The following ZFP90 variants were observed in gnomAD, a reference collection of about 807,000 sequenced individuals.
ZFP90 encodes the protein zinc finger protein 90 homolog.
A neutral mutation model predicts 60.8 loss-of-function variants in ZFP90; 38 were observed. The observed-to-expected ratio is 0.62, with a 90% CI of 0.48 to 0.82. The LOEUF (loss-of-function observed/expected upper bound fraction) is 0.82. Among genes scored for constraint, ZFP90 ranks in the 40% least tolerant of loss-of-function variants. The pLI is 0.00. For missense variants in ZFP90, 711 were observed against 759.1 expected (o/e 0.94, Z 0.74); for synonymous variants, 287 against 264.8 (o/e 1.08, Z -0.82).
At chr16:68,556,456 T>C (rs888734118) in intron 2 of ZFP90, among the ~76,000 whole-genome samples, 1 of 152,258 alleles carries the variant, frequency 6.6e-6, no homozygotes, top group Admixed American at 6.5e-5. Flanking sequence ...CAAAGAATAT[T>C]TATTACAGTA....
chr16:68,559,874 AT>A (rs2091409871), intron 4 of ZFP90, among the ~76,000 whole-genome samples: 1 of 151,298 alleles, frequency 6.6e-6, no homozygotes. Flanking sequence ...CACCAGCCTA[AT>A]TTTTTTATTT....
intron 2 of ZFP90, chr16:68,557,440 C>G: frequency 2.9e-6 from 1 of 350,542 alleles, no homozygotes; most frequent in South Asian, 2.1e-5. Context: ...ATGCAAAGAT[C>G]TCTAGGATAC....
chr16:68,573,102 G>A (rs1028901243), intron 2 of ZFP90, among the ~76,000 whole-genome samples: 4 of 152,216 alleles, frequency 2.6e-5, no homozygotes, highest in Non-Finnish European at 4.4e-5. Flanking sequence ...CAGATGGGAA[G>A]CTCAGATTGT....
At chr16:68,556,724 AGT>A (rs1337528943) in intron 2 of ZFP90, among the ~76,000 whole-genome samples, 1 of 152,164 alleles carries the variant, frequency 6.6e-6, no homozygotes, top group Non-Finnish European at 1.5e-5. Context: ...TCTGTTCTTG[AGT>A]TCAGGTGAAA....
rs1380549082 is a variant in ZFP90, at chr16:68,546,480, C to G, written c.33+6655C>G. On this transcript the variant is annotated intron_variant, in intron 2 of 4. Coordinates refer to ENST00000563169, the MANE Select transcript of ZFP90 (RefSeq NM_001305203.2). ...TTCTATCTCTATGATTTTAACTACTCTATCTCATATAAGTGGAATCAAACA... is the reference window on the plus strand; with the variant it reads ...TTCTATCTCTATGATTTTAACTACTGTATCTCATATAAGTGGAATCAAACA... 2.0e-5 allele frequency among the ~76,000 whole-genome samples: 3 copies of G among 152,112 alleles called. No individual in the cohort carries two copies. In the East Asian group the frequency reaches 5.8e-4, roughly 29 times the overall value.
intron 2 of ZFP90, among the ~76,000 whole-genome samples, chr16:68,548,393 T>C (rs1218097279): frequency 6.6e-6 from 1 of 152,084 alleles, no homozygotes; most frequent in African/African-American, 2.4e-5. Context: ...ATTGGTAGTT[T>C]AGAATTTAAA....
In ZFP90 at chr16:68,563,604, C is replaced by T; in HGVS notation, c.817C>T (p.Gln273Ter). ...CTGGAAGACACAGCTTACTGAGCAT[C>T]AGAGAATTCACACTGGGGAGAAACC... The part of the protein sequence containing the change: ...FLWKTQLTEH[Q>*]RIHTGEKPFE... Residue 273 changes from glutamine (Q) to a stop codon, truncating the protein, a stop_gained, in exon 5 of 5, where the codon CAG becomes TAG. Transcript: ENST00000563169. LOFTEE classifies it high-confidence loss of function. The T allele has an allele frequency of 6.2e-7, 1 of 1,614,166 alleles. No individual in the cohort carries two copies. The highest frequency in any genetic ancestry group is 8.5e-7 in the Non-Finnish European group (1 of 1,180,030).
chr16:68,538,178 C>T (rs1388586479), upstream of ZFP90, among the ~76,000 whole-genome samples: 1 of 152,064 alleles, frequency 6.6e-6, no homozygotes, highest in Admixed American at 6.5e-5. Flanking sequence ...TCCCAAAGTG[C>T]TGGGATCACA....
chr16:68,542,508 T>G (rs1164568187), intron 2 of ZFP90, among the ~76,000 whole-genome samples: 2 of 152,028 alleles, frequency 1.3e-5, no homozygotes, highest in South Asian at 2.1e-4. Context: ...GGAGAATCGC[T>G]TGAACCTGGG....
upstream of ZFP90, among the ~76,000 whole-genome samples, chr16:68,536,276 A>C (rs1386244034): frequency 6.6e-6 from 1 of 152,096 alleles, no homozygotes; most frequent in East Asian, 1.9e-4. Context: ...TGCCTTCCGC[A>C]CTAGGTGGAA....
At chr16:68,548,822 A>C (rs2091202869) in intron 2 of ZFP90, among the ~76,000 whole-genome samples, 1 of 152,038 alleles carries the variant, frequency 6.6e-6, no homozygotes, top group Non-Finnish European at 1.5e-5. Context: ...ATCTTTTAAA[A>C]ATTTCTTCTT....
chr16:68,557,919 C>T (rs1166150674), intron 2 of ZFP90, 79 bp from the exon 3 acceptor site: 1 of 1,582,696 alleles, frequency 6.3e-7, no homozygotes, highest in Non-Finnish European at 8.6e-7. Flanking sequence ...CTTCTGATAG[C>T]TCCTGCAGTA....
chr16:68,554,608 G>A (rs1316591790), intron 2 of ZFP90, among the ~76,000 whole-genome samples: 1 of 152,164 alleles, frequency 6.6e-6, no homozygotes, highest in Admixed American at 6.5e-5. Context: ...TTGCTTGCTG[G>A]TTAGCACATT....
chr16:68,541,346 GT>G (rs1391648640), intron 2 of ZFP90, among the ~76,000 whole-genome samples: 1 of 150,076 alleles, frequency 6.7e-6, no homozygotes, highest in African/African-American at 2.5e-5. Flanking sequence ...CCTAATTTTT[GT>G]TTTTTTTTGT....
chr16:68,572,826 G>A (rs1310188653), intron 2 of ZFP90, among the ~76,000 whole-genome samples: 2 of 152,212 alleles, frequency 1.3e-5, no homozygotes, highest in African/African-American at 4.8e-5. Flanking sequence ...GGTGGAAGGT[G>A]GTAAAGGATC....
In ZFP90 at chr16:68,563,166, T is replaced by A; in HGVS notation, c.379T>A (p.Leu127Ile). The change falls in exon 5 of 5, where the codon TTA (leucine) becomes ATA (isoleucine). Residue 127 changes from leucine (L) to isoleucine (I), a missense_variant. This residue lies in a region of ZFP90 where 241 missense variants were observed against 247.6 expected (regional missense o/e 0.97). Coordinates refer to ENST00000563169, the MANE Select transcript of ZFP90 (RefSeq NM_001305203.2). Reference protein sequence around the residue: ...LEDSWDVSSQLDRQQENWKRH... With the variant: ...LEDSWDVSSQIDRQQENWKRH... ...AGACTCCTGGGATGTTAGCAGCCAG[T>A]TAGACAGGCAACAGGAAAACTGGAA... The A allele has an allele frequency of 6.2e-7, 1 of 1,614,158 alleles. No homozygotes were observed. The highest frequency in any genetic ancestry group is 8.5e-7 in the Non-Finnish European group (1 of 1,180,028).
rs2091002913 is a variant in ZFP90, at chr16:68,539,742, T to A, written c.-35-16T>A. ...GTGTTGCAGCGGGGTGAGTGGGCCC[T>A]GTCCTTTCTCCCCAGCTCCTGCCCC... On this transcript the variant is annotated splice_polypyrimidine_tract_variant and intron_variant, in intron 1 of 4. Transcript: ENST00000563169. The A allele has an allele frequency of 6.5e-6, 10 of 1,539,208 alleles. 2 individuals carry two copies. The highest frequency in any genetic ancestry group is 1.8e-4 in the Middle Eastern group (1 of 5,630).
At position 68,564,813 on chromosome 16, in the gene ZFP90, G is replaced by T. The variant is rs896464808; in HGVS notation, c.*115G>T. On this transcript the variant is annotated 3_prime_UTR_variant, in exon 5 of 5. Transcript: ENST00000563169. ...TGAATTACGTGTGTGTTTATACGTT[G>T]TGTGTGGAGAAAACTGCCAGTAGAC... 1 of 1,410,132 alleles carries T rather than the reference G, an allele frequency of 7.1e-7. No individual in the cohort carries two copies. The allele number at this position is 1,410,132 out of a possible 1,614,324, so 87.4% of individuals were successfully genotyped here.
intron 2 of ZFP90, among the ~76,000 whole-genome samples, chr16:68,544,392 G>A (rs574769724): frequency 6.6e-6 from 1 of 152,226 alleles, no homozygotes; most frequent in South Asian, 2.1e-4. Context: ...AGCCTGGGCA[G>A]CAGAGAGACA....
Sources: gnomAD v4.1 joint callset for allele counts (sites outside exome capture counted in the v4.1 genomes callset) on GRCh38, gnomAD v4.1.1 for gene constraint, gnomAD v4.1.1 regional missense constraint, MANE v1.5 for transcripts, NCBI Gene and HGNC (gene_info 2026-07-23, HGNC 2026-07-21) for gene names.